PCDHGA5: variants seen among roughly 807,000 people sequenced by gnomAD.
The protein encoded by PCDHGA5 is protocadherin gamma-A5.
PCDHGA5 carries 36 observed loss-of-function variants against 56.7 expected under a neutral mutation model. The ratio of observed to expected loss-of-function variants is 0.64; its 90% CI spans 0.49 to 0.84. The LOEUF is 0.84. Ranked by LOEUF, PCDHGA5 falls within the 40% of genes least tolerant of loss-of-function variation. The pLI is 0.00. For missense variants in PCDHGA5, 1,305 were observed against 1,201.5 expected, an observed-to-expected ratio of 1.09 and a Z score of -1.27; for synonymous variants, 563 against 520.2, an observed-to-expected ratio of 1.08 and a Z score of -1.12.
In PCDHGA5 at chr5:141,399,498, A is replaced by G. The variant is rs539360572; in HGVS notation, c.2421+32747A>G. The G allele has an allele frequency of 1.4e-5, 22 of 1,614,002 alleles. No individual in the cohort carries two copies. The African/African-American group carries it at 2.5e-4, about 19-fold the overall frequency. On this transcript the variant is annotated intron_variant, in intron 1 of 3. Coordinates refer to ENST00000518069, the MANE Select transcript of PCDHGA5 (RefSeq NM_018918.3). Reference sequence around the variant, plus strand: ...ACCAGGCGTCCTACTTAGTCAGTGTACCCGAAAACAACCCTCCTGGGGCCT... The same window carrying G: ...ACCAGGCGTCCTACTTAGTCAGTGTGCCCGAAAACAACCCTCCTGGGGCCT...
rs780029376 is a variant in PCDHGA5 at position 141,375,319 on chromosome 5, G to A, written c.2421+8568G>A. On this transcript the variant is annotated intron_variant, in intron 1 of 3. Coordinates refer to ENST00000518069, the MANE Select transcript of PCDHGA5 (RefSeq NM_018918.3). ...TAGTGACAAATGCAGCTCTAGACCG[G>A]GAAGAGGTATTCTTGTACAACATCA... The A allele has an allele frequency of 9.3e-6, 15 of 1,613,770 alleles. No homozygotes were observed. The South Asian group carries it at 1.5e-4, about 17-fold the overall frequency.
In PCDHGA5 at chr5:141,399,495, T is replaced by G. The variant is rs779594817; in HGVS notation, c.2421+32744T>G. On this transcript the variant is annotated intron_variant, in intron 1 of 3. Transcript: ENST00000518069. ...TCCACCAGGCGTCCTACTTAGTCAGTGTACCCGAAAACAACCCTCCTGGGG... is the reference window on the plus strand; with the variant it reads ...TCCACCAGGCGTCCTACTTAGTCAGGGTACCCGAAAACAACCCTCCTGGGG... 1.1e-5 allele frequency: 18 copies of G among 1,613,916 alleles called. No individual in the cohort carries two copies. Among genetic ancestry groups the G allele is most frequent in the Non-Finnish European group, 1.5e-5 (18 of 1,179,912 alleles).
rs775132338 is a variant in PCDHGA5 at position 141,490,858 on chromosome 5, G to A, written c.2422-3949G>A. On this transcript the variant is annotated intron_variant, in intron 1 of 3. Coordinates refer to ENST00000518069, the MANE Select transcript of PCDHGA5 (RefSeq NM_018918.3). This position sits in a 1 kb window ranked among gnomAD's most constrained non-coding sequence, Gnocchi z 5.4. Reference sequence around the variant, plus strand: ...GATTGTGGTGGGGGTTCGAGACTCCGGCTCTCCCCCATTGCATGCCAACAC... The same window carrying A: ...GATTGTGGTGGGGGTTCGAGACTCCAGCTCTCCCCCATTGCATGCCAACAC... 14 of 1,613,704 alleles carry A rather than the reference G, an allele frequency of 8.7e-6. No homozygotes were observed. Among genetic ancestry groups the A allele is most frequent in the South Asian group, 2.2e-5 (2 of 91,068 alleles).
chr5:141,428,731 A>G (rs1290064919), intron 1 of PCDHGA5: 1 of 159,494 alleles, frequency 6.3e-6, no homozygotes, highest in Non-Finnish European at 1.4e-5. Context: ...TCTTAAACAT[A>G]TTATATCTAC....
intron 1 of PCDHGA5, chr5:141,410,854 T>C: frequency 2.6e-6 from 1 of 387,418 alleles, no homozygotes; most frequent in Non-Finnish European, 4.2e-6. Flanking sequence ...TTTGTCTTTT[T>C]TTTTTTTTTT....
chr5:141,365,077 G>T lies in PCDHGA5; in HGVS notation c.747G>T (p.Val249=), dbSNP rs1048742374. ...TGTTCACCCCATCCGAGTACAGCGT[G>T]AGTGTTCCAGAGAACATACCTGTGG... ...APLFTPSEYS[V]SVPENIPVGT... Residue 249 remains valine, a synonymous_variant, in exon 1 of 4, where the codon GTG becomes GTT. Coordinates refer to ENST00000518069, the MANE Select transcript of PCDHGA5 (RefSeq NM_018918.3). The T allele has an allele frequency of 6.2e-6, 10 of 1,613,724 alleles. No individual in the cohort carries two copies. Among genetic ancestry groups the T allele is most frequent in the Non-Finnish European group, 8.5e-6 (10 of 1,179,890 alleles).
intron 1 of PCDHGA5, chr5:141,430,826 CT>C (rs765096486): frequency 1.3e-6 from 2 of 1,550,416 alleles, no homozygotes; most frequent in East Asian, 2.2e-5. Flanking sequence ...CCTGGGGACT[CT>C]GTGGGAGACC....
At chr5:141,464,408 T>C (rs2154568477) in intron 1 of PCDHGA5, among the ~76,000 whole-genome samples, 1 of 151,718 alleles carries the variant, frequency 6.6e-6, no homozygotes, top group African/African-American at 2.4e-5. Flanking sequence ...CTGAGATATA[T>C]ATATATCTAT....
At chr5:141,410,804 T>A in intron 1 of PCDHGA5, 1 of 674,100 alleles carries the variant, frequency 1.5e-6, no homozygotes, top group Non-Finnish European at 2.3e-6. Flanking sequence ...TTGCTCTATC[T>A]TTTTGTAAAA....
intron 1 of PCDHGA5, chr5:141,408,379 G>C: frequency 6.2e-7 from 1 of 1,614,032 alleles, no homozygotes; most frequent in South Asian, 1.1e-5. Context: ...TCAGTGTCCT[G>C]GATGTGTCGG....
intron 1 of PCDHGA5, chr5:141,475,927 G>A: frequency 1.6e-6 from 1 of 628,480 alleles, no homozygotes; most frequent in South Asian, 2.1e-5. Flanking sequence ...CTGGAGATCG[G>A]GCCCCTGCCC....
rs1240258760 is a variant in PCDHGA5 at position 141,423,933 on chromosome 5, GAAGT to G, written c.2421+57187_2421+57190del. On this transcript the variant is annotated intron_variant, in intron 1 of 3. Coordinates refer to ENST00000518069, the MANE Select transcript of PCDHGA5 (RefSeq NM_018918.3). The stretch of plus-strand genomic sequence containing the variant: ...CCATTCAACTATGCTGGTTTGGTTT[GAAGT>G]AAGTTGAATTTTAGTATTATTTTTC... 5 of 1,226,500 alleles carry G rather than the reference GAAGT, an allele frequency of 4.1e-6. No homozygotes were observed. The African/African-American group carries it at 7.9e-5, about 19-fold the overall frequency. The allele number at this position is 1,226,500 out of a possible 1,614,324, so 76.0% of individuals were successfully genotyped here. A position where few individuals can be genotyped will look rare whatever the true frequency, so the allele number is the denominator to read the frequency against.
intron 1 of PCDHGA5, chr5:141,415,086 G>A (rs769093571): frequency 3.1e-6 from 5 of 1,613,554 alleles, no homozygotes; most frequent in South Asian, 1.1e-5. Flanking sequence ...GAGCCCTGCT[G>A]GACAGAGACG....
At position 141,395,016 on chromosome 5, in the gene PCDHGA5, G is replaced by C. The variant is rs772379480; in HGVS notation, c.2421+28265G>C. The C allele has an allele frequency of 4.3e-6, 7 of 1,613,950 alleles. No homozygotes were observed. In the Admixed American group the frequency reaches 5.0e-5, roughly 12 times the overall value. ...GGATTCCGGTGGCAGATTGGTAGGCGTGCCTGCCTCACATTTTGTGGGTGT... is the reference window on the plus strand; with the variant it reads ...GGATTCCGGTGGCAGATTGGTAGGCCTGCCTGCCTCACATTTTGTGGGTGT... On this transcript the variant is annotated intron_variant, in intron 1 of 3. Coordinates refer to ENST00000518069, the MANE Select transcript of PCDHGA5 (RefSeq NM_018918.3).
At chr5:141,390,321 C>T (rs776100029) in intron 1 of PCDHGA5, 13 of 1,606,964 alleles carry the variant, frequency 8.1e-6, no homozygotes, top group Admixed American at 1.7e-5. Context: ...TCATTGCCTA[C>T]CCATTTCTCC....
intron 2 of PCDHGA5, among the ~76,000 whole-genome samples, chr5:141,501,333 A>ACACACC (rs1186649373): frequency 1.5e-4 from 21 of 140,134 alleles, no homozygotes; most frequent in African/African-American, 3.4e-4. Flanking sequence ...ACACACACAC[A>ACACACC]CCCCAAACTC....
intron 1 of PCDHGA5, among the ~76,000 whole-genome samples, chr5:141,465,219 C>A (rs1272266733): frequency 6.6e-6 from 1 of 152,004 alleles, no homozygotes; most frequent in Non-Finnish European, 1.5e-5. Context: ...TATTTTTCAA[C>A]ATGAGCTCCA....
chr5:141,400,044 G>C lies in PCDHGA5; in HGVS notation c.2421+33293G>C, dbSNP rs745775469. 4 of 1,613,556 alleles carry C rather than the reference G, an allele frequency of 2.5e-6. No homozygotes were observed. In the South Asian group the frequency reaches 4.4e-5, roughly 18 times the overall value. On this transcript the variant is annotated intron_variant, in intron 1 of 3. Coordinates refer to ENST00000518069, the MANE Select transcript of PCDHGA5 (RefSeq NM_018918.3). ...GGGACGCGGCCCGCCAGCGCCTGCT[G>C]GTTGCTGTGCGTGATGGTGGACAGC...
intron 1 of PCDHGA5, among the ~76,000 whole-genome samples, chr5:141,461,390 C>T (rs1220034894): frequency 2.0e-5 from 3 of 152,080 alleles, no homozygotes; most frequent in East Asian, 3.9e-4. Context: ...TGATGATTAG[C>T]GATGTTGAGC....
Sources: gnomAD v4.1 joint callset for allele counts (sites outside exome capture counted in the v4.1 genomes callset) on GRCh38, gnomAD v4.1.1 for gene constraint, Gnocchi (gnomAD v3.1) non-coding constraint, MANE v1.5 for transcripts, NCBI Gene and HGNC (gene_info 2026-07-23, HGNC 2026-07-21) for gene names.